Variants in PLEKHH3 observed in about 807,000 individuals in gnomAD.
The protein encoded by PLEKHH3 is pleckstrin homology domain-containing family H member 3.
A neutral mutation model predicts 77.8 loss-of-function variants in PLEKHH3; 57 were observed. That is an observed-to-expected ratio of 0.73 (90% CI 0.59 to 0.91). The LOEUF (loss-of-function observed/expected upper bound fraction) is 0.91. PLEKHH3 is among the 40% of genes least tolerant of loss of function. The pLI is 0.00. For synonymous variants in PLEKHH3, 467 were observed against 504.8 expected, an observed-to-expected ratio of 0.93 and a Z score of 1.00; for missense variants, 1,082 against 1,091.2, an observed-to-expected ratio of 0.99 and a Z score of 0.12.
rs765699410 is a variant in PLEKHH3, at chr17:42,674,344, C to T, written c.218+10G>A. On this transcript the variant is annotated intron_variant, in intron 2 of 12. Transcript: ENST00000591022. ...GTCGCCAGACTATGGGACGTAGGGG[C>T]GTAGCTCACCTGTTGGAGACAGGCC... 1.9e-6 allele frequency: 3 copies of T among 1,569,586 alleles called. No individual in the cohort carries two copies. The highest frequency in any genetic ancestry group is 4.5e-5 in the East Asian group (2 of 44,402).
At chr17:42,668,453 C>A in intron 12 of PLEKHH3, 150 bp from the exon 13 acceptor site, 1 of 595,894 alleles carries the variant, frequency 1.7e-6, no homozygotes, top group Non-Finnish European at 2.6e-6. Context: ...ACCACTCTCT[C>A]CTTCATTTCT....
chr17:42,676,652 G>A lies in PLEKHH3; in HGVS notation c.-89C>T. On this transcript the variant is annotated 5_prime_UTR_variant, in exon 1 of 13. Coordinates refer to ENST00000591022, the MANE Select transcript of PLEKHH3 (RefSeq NM_024927.5). This position sits in a 1 kb window ranked among gnomAD's most constrained non-coding sequence, Gnocchi z 6.6. ...ACTGGCGGGGCTCCGACCCGAGCAG[G>A]GGAAAGATGAGGTGGGAGGAGCAGA... 1 of 1,299,136 alleles carries A rather than the reference G, an allele frequency of 7.7e-7. No individual in the cohort carries two copies. Among genetic ancestry groups the A allele is most frequent in the East Asian group, 2.5e-5 (1 of 39,826 alleles). 80.5% of individuals were successfully genotyped at this position (1,299,136 alleles called of 1,614,324 possible). A position where few individuals can be genotyped will look rare whatever the true frequency, so the allele number is the denominator to read the frequency against.
At position 42,669,512 on chromosome 17, in the gene PLEKHH3, T is replaced by C. The variant is rs148898548; in HGVS notation, c.2123A>G (p.His708Arg). The change falls in exon 12 of 13, where the codon CAT becomes CGT. Residue 708 changes from histidine (H) to arginine (R), a missense_variant. His to Arg is a conservative substitution (Grantham distance 29). Around this residue, in one of 3 missense-constraint regions of PLEKHH3, gnomAD observed 733 missense variants for 750.0 expected, o/e 0.98. Coordinates refer to ENST00000591022, the MANE Select transcript of PLEKHH3 (RefSeq NM_024927.5). ...TEPIHSVSYG[H>R]VAACQLMGPH... Reference sequence around the variant, plus strand: ...GCCCATTAGCTGGCAGGCGGCCACATGGCCATAGCTGACACTGTGGATGGG... The same window carrying C: ...GCCCATTAGCTGGCAGGCGGCCACACGGCCATAGCTGACACTGTGGATGGG... 8.1e-6 allele frequency: 13 copies of C among 1,607,376 alleles called. No individual in the cohort carries two copies. Among genetic ancestry groups the C allele is most frequent in the Middle Eastern group, 1.7e-4 (1 of 6,036 alleles).
intron 6 of PLEKHH3, 81 bp downstream of exon 6, chr17:42,673,095 C>T (rs2052737121): frequency 6.9e-7 from 1 of 1,438,954 alleles, no homozygotes; most frequent in Non-Finnish European, 9.1e-7. Flanking sequence ...ATGCTTAGAT[C>T]CCTGCCAGTT....
rs748462261 is a variant in PLEKHH3, at chr17:42,668,297, C to T, written c.2212G>A (p.Glu738Lys). 3.9e-6 allele frequency: 6 copies of T among 1,547,764 alleles called. No homozygotes were observed. The highest frequency in any genetic ancestry group is 1.7e-4 in the Middle Eastern group (1 of 5,832). The change falls in exon 13 of 13, where the codon GAG (glutamate) becomes AAG (lysine). Residue 738 changes from glutamate (E) to lysine (K), a missense_variant. Glu to Lys is a moderately conservative substitution (Grantham distance 56). This residue lies in a region of PLEKHH3 where 733 missense variants were observed against 750.0 expected (regional missense o/e 0.98). Coordinates refer to ENST00000591022, the MANE Select transcript of PLEKHH3 (RefSeq NM_024927.5). ...QLLLQSPQVE[E>K]IMQLVNAYLA... ...TAGGCATTCACCAGCTGCATGATCT[C>T]TTCCACCTAAGAGAGGGCAGAGGTC...
Position 42,670,028 on chromosome 17 carries a change from TC to T in PLEKHH3, c.1902del (p.Trp634Ter). 1 of 1,572,666 alleles carries T rather than the reference TC, an allele frequency of 6.4e-7. No homozygotes were observed. The highest frequency in any genetic ancestry group is 8.6e-7 in the Non-Finnish European group (1 of 1,164,708). On this transcript the variant is annotated frameshift_variant, in exon 11 of 13. Transcript: ENST00000591022. LOFTEE classifies it high-confidence loss of function. ...AGTAAAVLGG[W>X]KRLRGMGRAE... ...GCTCGGCCCATGCCCCGTAGCCGCT[TC>T]CAGCCGCCCAGCACGGCAGCTGCCG...
At chr17:42,673,138 C>A in intron 6 of PLEKHH3, 38 bp downstream of exon 6, 1 of 1,492,364 alleles carries the variant, frequency 6.7e-7, no homozygotes, top group South Asian at 1.4e-5. Context: ...TGAACCACCC[C>A]ATCCCATCCA....
Position 42,670,330 on chromosome 17 carries a change from G to A in PLEKHH3, c.1601C>T (p.Thr534Met), listed in dbSNP as rs748773054. The A allele has an allele frequency of 7.2e-7, 1 of 1,397,414 alleles. No individual in the cohort carries two copies. The highest frequency in any genetic ancestry group is 9.2e-7 in the Non-Finnish European group (1 of 1,083,820). 86.6% of individuals were successfully genotyped at this position (1,397,414 alleles called of 1,614,324 possible). Residue 534 changes from threonine to methionine, a missense_variant, in exon 11 of 13, where the codon ACG becomes ATG. By Grantham distance (81) the Thr-to-Met change is moderately conservative. This residue lies in a region of PLEKHH3 where 733 missense variants were observed against 750.0 expected (regional missense o/e 0.98). Coordinates refer to ENST00000591022, the MANE Select transcript of PLEKHH3 (RefSeq NM_024927.5). Reference protein sequence around the residue: ...LRGRPPPPDDTLRALAALRLQ... With the variant: ...LRGRPPPPDDMLRALAALRLQ... ...GCGCAGCGCCGCCAGGGCGCGCAGC[G>A]TGTCGTCGGGTGGGGGCGGCCGGCC...
Position 42,668,109 on chromosome 17 carries a change from C to G in PLEKHH3, c.*18G>C. 7.1e-7 allele frequency: 1 copy of G among 1,403,128 alleles called. No homozygotes were observed. Among genetic ancestry groups the G allele is most frequent in the Non-Finnish European group, 9.2e-7 (1 of 1,083,016 alleles). 86.9% of individuals were successfully genotyped at this position (1,403,128 alleles called of 1,614,324 possible). On this transcript the variant is annotated 3_prime_UTR_variant, in exon 13 of 13. Transcript: ENST00000591022. ...CCCAGGCTGCAGGCAGGAGGGAAGT[C>G]GTGACCTCTTGGCAGGCTCAGTCCT...
Position 42,676,515 on chromosome 17 carries a change from A to C in PLEKHH3, c.49T>G (p.Phe17Val), listed in dbSNP as rs746050058. The C allele has an allele frequency of 1.2e-6, 2 of 1,600,298 alleles. No homozygotes were observed. The highest frequency in any genetic ancestry group is 1.7e-6 in the Non-Finnish European group (2 of 1,173,612). ...CCGTAGTCCCGGTGCAGAAGAGTGA[A>C]GCCTCGACGGCAGCAGAGAAGCCAC... Reference protein sequence around the residue: ...LWWLLCCRRGFTLLHRDYGDG... With the variant: ...LWWLLCCRRGVTLLHRDYGDG... The change falls in exon 1 of 13, where the codon TTC (phenylalanine) becomes GTC (valine). Residue 17 changes from phenylalanine (F) to valine (V), a missense_variant. Around this residue, in one of 3 missense-constraint regions of PLEKHH3, gnomAD observed 344 missense variants for 320.8 expected, o/e 1.07. Coordinates refer to ENST00000591022, the MANE Select transcript of PLEKHH3 (RefSeq NM_024927.5). The surrounding 1 kb of genome is among the most constrained non-coding windows in gnomAD (Gnocchi z 6.6).
At chr17:42,672,695 C>T (rs961107769) in intron 6 of PLEKHH3, among the ~76,000 whole-genome samples, 2 of 152,114 alleles carry the variant, frequency 1.3e-5, no homozygotes, top group African/African-American at 2.4e-5. Flanking sequence ...CATACTGAGG[C>T]TCACCACCAT....
rs777329515 is a variant in PLEKHH3 at position 42,668,252 on chromosome 17, C to T, written c.2257G>A (p.Glu753Lys). The T allele has an allele frequency of 5.1e-6, 8 of 1,556,352 alleles. No homozygotes were observed. Among genetic ancestry groups the T allele is most frequent in the African/African-American group, 1.4e-5 (1 of 70,178 alleles). ...GGAGAAGAGCTGCTGCAGGGCCTCT[C>T]GGGGGAGGGGTTGGCCAAGTAGGCA... ...VNAYLANPSPERPCSSSSPPC... is the reference protein window; with the variant it reads ...VNAYLANPSPKRPCSSSSPPC... Residue 753 changes from glutamate to lysine, a missense_variant, in exon 13 of 13, where the codon GAG (glutamate) becomes AAG (lysine). By Grantham distance (56) the Glu-to-Lys change is moderately conservative. Around this residue, in one of 3 missense-constraint regions of PLEKHH3, gnomAD observed 733 missense variants for 750.0 expected, o/e 0.98. Transcript: ENST00000591022.
At chr17:42,674,958 C>T (rs1419391297) in intron 1 of PLEKHH3, 3 of 152,724 alleles carry the variant, frequency 2.0e-5, no homozygotes, top group Non-Finnish European at 4.4e-5. Flanking sequence ...TCTCCAAAAG[C>T]GTCTTACATT....
chr17:42,671,285 G>T lies in PLEKHH3; in HGVS notation c.1284+66C>A, dbSNP rs780530871. 28 of 1,577,190 alleles carry T rather than the reference G, an allele frequency of 1.8e-5. No homozygotes were observed. Among genetic ancestry groups the T allele is most frequent in the Non-Finnish European group, 2.3e-5 (27 of 1,156,810 alleles). On this transcript the variant is annotated intron_variant, in intron 8 of 12. Coordinates refer to ENST00000591022, the MANE Select transcript of PLEKHH3 (RefSeq NM_024927.5). This position sits in a 1 kb window ranked among gnomAD's most constrained non-coding sequence, Gnocchi z 4.7. ...GGGGCAAACCTAGGGTCCAGGAAGA[G>T]GGAGAGACAGGCGTGAGAAGCTGGC...
chr17:42,676,565 C>T lies in PLEKHH3; in HGVS notation c.-2G>A, dbSNP rs774823609. 1.2e-5 allele frequency: 18 copies of T among 1,551,678 alleles called. No individual in the cohort carries two copies. The South Asian group carries it at 1.7e-4, about 14-fold the overall frequency. Reference sequence around the variant, plus strand: ...CCATAGTCCCCCGGGGAGAGGCATCCGGGCGAGGAGCTGCGGATGGGGGCG... The same window carrying T: ...CCATAGTCCCCCGGGGAGAGGCATCTGGGCGAGGAGCTGCGGATGGGGGCG... On this transcript the variant is annotated 5_prime_UTR_variant, in exon 1 of 13. Coordinates refer to ENST00000591022, the MANE Select transcript of PLEKHH3 (RefSeq NM_024927.5). This position sits in a 1 kb window ranked among gnomAD's most constrained non-coding sequence, Gnocchi z 6.6.
Position 42,668,241 on chromosome 17 carries a change from G to T in PLEKHH3, c.2268C>A (p.Cys756Ter). The change falls in exon 13 of 13, where the codon TGC becomes TGA. Residue 756 changes from cysteine to a stop codon, truncating the protein, a stop_gained. Coordinates refer to ENST00000591022, the MANE Select transcript of PLEKHH3 (RefSeq NM_024927.5). LOFTEE classifies it high-confidence loss of function. The stretch of plus-strand genomic sequence containing the variant: ...CTTGGCATGGAGGAGAAGAGCTGCT[G>T]CAGGGCCTCTCGGGGGAGGGGTTGG... ...YLANPSPERPCSSSSPPCQDL... is the reference protein window; with the variant it reads ...YLANPSPERP 1 of 1,560,184 alleles carries T rather than the reference G, an allele frequency of 6.4e-7. No individual in the cohort carries two copies. The highest frequency in any genetic ancestry group is 8.6e-7 in the Non-Finnish European group (1 of 1,159,666).
chr17:42,673,930 C>T lies in PLEKHH3; in HGVS notation c.298+4G>A. The T allele has an allele frequency of 6.2e-7, 1 of 1,613,376 alleles. No homozygotes were observed. The highest frequency in any genetic ancestry group is 2.2e-5 in the East Asian group (1 of 44,868). ...CTCCAGAGTGCACTGAGGGGGGTCT[C>T]TACCTTTCACAACGATGTCCGGGTC... On this transcript the variant is annotated splice_donor_region_variant and intron_variant, in intron 3 of 12. Transcript: ENST00000591022.
In PLEKHH3 at chr17:42,673,288, G is replaced by T; in HGVS notation, c.657C>A (p.Cys219Ter). The change falls in exon 6 of 13, where the codon TGC becomes TGA. Residue 219 changes from cysteine (C) to a stop codon, truncating the protein, a stop_gained. Coordinates refer to ENST00000591022, the MANE Select transcript of PLEKHH3 (RefSeq NM_024927.5). LOFTEE classifies it high-confidence loss of function. ...TGAGGGCAACGGCCTCTGGGTCCCCGCAACTTTCCTAGGGGGCCAGGGAGA... is the reference window on the plus strand; with the variant it reads ...TGAGGGCAACGGCCTCTGGGTCCCCTCAACTTTCCTAGGGGGCCAGGGAGA... ...QLLLRDIQES[C>*]GDPEAVALIY... is the part of the protein sequence containing the mutation. The T allele has an allele frequency of 6.3e-7, 1 of 1,599,102 alleles. No individual in the cohort carries two copies. Among genetic ancestry groups the T allele is most frequent in the Non-Finnish European group, 8.5e-7 (1 of 1,175,702 alleles).
At position 42,672,147 on chromosome 17, in the gene PLEKHH3, T is replaced by A; in HGVS notation, c.1015A>T (p.Met339Leu). The A allele has an allele frequency of 6.5e-7, 1 of 1,543,530 alleles. No individual in the cohort carries two copies. The highest frequency in any genetic ancestry group is 1.2e-5 in the South Asian group (1 of 83,456). Residue 339 changes from methionine (M) to leucine (L), a missense_variant, in exon 7 of 13, where the codon ATG becomes TTG. Physicochemically the swap from Met to Leu is conservative, Grantham distance 15. Transcript: ENST00000591022. Reference sequence around the variant, plus strand: ...CCCCCAGGTCGGAAGGTGCAGCTCATGCAGGTGAGGAGTTGCCAGTACCGC... The same window carrying A: ...CCCCCAGGTCGGAAGGTGCAGCTCAAGCAGGTGAGGAGTTGCCAGTACCGC... Reference protein sequence around the residue: ...ALRYWQLLTCMSCTFRPGGAV... With the variant: ...ALRYWQLLTCLSCTFRPGGAV...
Sources: gnomAD v4.1 joint callset for allele counts (sites outside exome capture counted in the v4.1 genomes callset) on GRCh38, gnomAD v4.1.1 for gene constraint, gnomAD v4.1.1 regional missense constraint, Gnocchi (gnomAD v3.1) non-coding constraint, MANE v1.5 for transcripts, NCBI Gene and HGNC (gene_info 2026-07-23, HGNC 2026-07-21) for gene names.